Variants in DYM observed in about 807,000 individuals in gnomAD.
DYM encodes dyggve-Melchior-Clausen syndrome protein.
In DYM, 78 loss-of-function variants were observed where a neutral mutation model predicts 93.1. The ratio of observed to expected loss-of-function variants is 0.84; its 90% CI spans 0.70 to 1.01. DYM has a LOEUF of 1.01. Ranked by LOEUF, DYM falls within the 50% of genes least tolerant of loss-of-function variation. The probability of loss-of-function intolerance (pLI) is 0.00; values close to 1 mark genes in which losing one functional copy is unlikely to be tolerated. For missense variants in DYM, 789 were observed against 845.0 expected, an observed-to-expected ratio of 0.93 and a Z score of 0.82; for synonymous variants, 321 against 319.7, an observed-to-expected ratio of 1.00 and a Z score of -0.04.
chr18:49,196,758 A>C (rs1412378212), intron 14 of DYM, among the ~76,000 whole-genome samples: 1 of 152,118 alleles, frequency 6.6e-6, no homozygotes, highest in Non-Finnish European at 1.5e-5. Flanking sequence ...AAGAAAAGTC[A>C]CTAAAGGGTT....
chr18:49,285,789 T>G (rs2095108751), intron 9 of DYM, among the ~76,000 whole-genome samples: 1 of 152,254 alleles, frequency 6.6e-6, no homozygotes, highest in Non-Finnish European at 1.5e-5. Flanking sequence ...TGAGAAGAGA[T>G]AATACTGGTT....
intron 14 of DYM, among the ~76,000 whole-genome samples, chr18:49,183,488 C>T (rs928421752): frequency 2.6e-5 from 4 of 152,048 alleles, no homozygotes; most frequent in African/African-American, 9.7e-5. Context: ...CACTCACTTC[C>T]CTCCCCTATA....
chr18:49,121,509 C>T (rs1843099210), intron 15 of DYM, among the ~76,000 whole-genome samples: 1 of 151,956 alleles, frequency 6.6e-6, no homozygotes, highest in Non-Finnish European at 1.5e-5. Flanking sequence ...TGAGCATTTC[C>T]TATAAATAAT....
At chr18:49,083,278 C>A (rs1324472163) in intron 17 of DYM, among the ~76,000 whole-genome samples, 3 of 152,090 alleles carry the variant, frequency 2.0e-5, no homozygotes, top group Non-Finnish European at 4.4e-5. Flanking sequence ...TGTGGTTTGT[C>A]CTTTAGTCTA....
intron 2 of DYM, among the ~76,000 whole-genome samples, chr18:49,423,916 AC>A (rs1415051527): frequency 6.6e-6 from 1 of 152,216 alleles, no homozygotes; most frequent in Non-Finnish European, 1.5e-5. Context: ...TAGCCTATAA[AC>A]CAAAAAAAGT....
At chr18:49,205,444 T>C (rs988453006) in intron 14 of DYM, among the ~76,000 whole-genome samples, 36 of 152,216 alleles carry the variant, frequency 2.4e-4, no homozygotes, top group Admixed American at 2.3e-3. Context: ...GTATAATTTA[T>C]TACAGATTGC....
At chr18:49,162,322 G>T (rs866295423) in intron 15 of DYM, among the ~76,000 whole-genome samples, 2 of 152,124 alleles carry the variant, frequency 1.3e-5, no homozygotes, top group Non-Finnish European at 2.9e-5. Flanking sequence ...GGCTGGGAAG[G>T]CCATGGTCAA....
chr18:49,129,422 G>A (rs1324735171), intron 15 of DYM, among the ~76,000 whole-genome samples: 2 of 152,104 alleles, frequency 1.3e-5, no homozygotes, highest in African/African-American at 2.4e-5. Context: ...ATTTCACAAG[G>A]CAACCAGATA....
chr18:49,185,585 T>C (rs771710085), intron 14 of DYM, among the ~76,000 whole-genome samples: 4 of 152,242 alleles, frequency 2.6e-5, no homozygotes, highest in Non-Finnish European at 4.4e-5. Context: ...GCTTAAAGTA[T>C]TTATCTTTAA....
In DYM at chr18:49,409,176, C is replaced by T. The variant is rs545538495; in HGVS notation, c.141-17531G>A. On this transcript the variant is annotated intron_variant, in intron 2 of 17. Coordinates refer to ENST00000675505, the MANE Select transcript of DYM (RefSeq NM_001353214.3). ...GCTCACACTTGTAGTCCCAGCTACT[C>T]AGGAGGCTGAGGCAGGAGAATCACT... Among the ~76,000 whole-genome samples the T allele has an allele frequency of 2.0e-5, 3 of 150,424 alleles. No homozygotes were observed. In the South Asian group the frequency reaches 6.3e-4, roughly 31 times the overall value.
chr18:49,240,027 A>G (rs1302436402), intron 13 of DYM, among the ~76,000 whole-genome samples: 1 of 152,242 alleles, frequency 6.6e-6, no homozygotes, highest in Non-Finnish European at 1.5e-5. Flanking sequence ...CATGATTTAT[A>G]TATTCTGTAT....
chr18:49,365,569 T>C (rs2147408995), intron 5 of DYM, among the ~76,000 whole-genome samples: 1 of 152,328 alleles, frequency 6.6e-6, no homozygotes, highest in African/African-American at 2.4e-5. Context: ...GTATGTAATA[T>C]ATACTCAATG....
At chr18:49,116,979 G>A (rs186718033) in intron 16 of DYM, among the ~76,000 whole-genome samples, 29 of 152,282 alleles carry the variant, frequency 1.9e-4, no homozygotes, top group African/African-American at 6.0e-4. Context: ...TGAAATAATC[G>A]AGAAGTTGCT....
intron 16 of DYM, among the ~76,000 whole-genome samples, chr18:49,109,157 A>G (rs1268265653): frequency 6.6e-6 from 1 of 152,046 alleles, no homozygotes; most frequent in African/African-American, 2.4e-5. Context: ...TTTTTATCCA[A>G]TCTGAAAATT....
chr18:49,106,039 G>A (rs2080765228), intron 16 of DYM, among the ~76,000 whole-genome samples: 1 of 152,198 alleles, frequency 6.6e-6, no homozygotes, highest in South Asian at 2.1e-4. Flanking sequence ...TTGTGTGGGA[G>A]TCTAAGTCTC....
intron 1 of DYM, among the ~76,000 whole-genome samples, chr18:49,445,388 T>C (rs915269694): frequency 6.6e-6 from 1 of 152,092 alleles, no homozygotes; most frequent in Non-Finnish European, 1.5e-5. Flanking sequence ...TTTTAACCGT[T>C]TCATATTGCT....
intron 2 of DYM, among the ~76,000 whole-genome samples, chr18:49,404,859 A>G (rs764638697): frequency 6.6e-5 from 10 of 151,994 alleles, no homozygotes; most frequent in Non-Finnish European, 1.0e-4. Flanking sequence ...CTAAAAATAC[A>G]AAAATTAGCC....
In DYM at chr18:49,230,203, T is replaced by G. The variant is rs572116999; in HGVS notation, c.1461-20488A>C. On this transcript the variant is annotated intron_variant, in intron 13 of 17. Coordinates refer to ENST00000675505, the MANE Select transcript of DYM (RefSeq NM_001353214.3). ...GGAAATTTTCTACATGTAATACATT[T>G]TTTAGTGTCCTAACAAATTAAAAAC... Among the ~76,000 whole-genome samples, 31 of 152,316 alleles carry G rather than the reference T, an allele frequency of 2.0e-4. No individual in the cohort carries two copies. The South Asian group carries it at 6.4e-3, about 32-fold the overall frequency.
At chr18:49,426,077 C>T (rs1026574798) in intron 2 of DYM, among the ~76,000 whole-genome samples, 4 of 152,132 alleles carry the variant, frequency 2.6e-5, no homozygotes, top group African/African-American at 9.7e-5. Context: ...AAGCATGCTG[C>T]TATCAAGACA....
Sources: allele counts gnomAD v4.1 joint callset (sites outside exome capture counted in the v4.1 genomes callset), GRCh38; gene constraint gnomAD v4.1.1; transcripts MANE v1.5; gene names NCBI Gene and HGNC (gene_info 2026-07-23, HGNC 2026-07-21).